USP34: variants seen among roughly 807,000 people sequenced by gnomAD.
USP34 encodes the protein ubiquitin specific peptidase 34.
A neutral mutation model predicts 460.3 loss-of-function variants in USP34; 70 were observed. The ratio of observed to expected loss-of-function variants is 0.15; its 90% CI spans 0.13 to 0.19. The LOEUF (loss-of-function observed/expected upper bound fraction) is 0.19, where lower values mean the gene tolerates loss of function less well. Among genes scored for constraint, USP34 ranks in the 10% least tolerant of loss-of-function variants. USP34 has a pLI of 1.00. For synonymous variants in USP34, 1,647 were observed against 1,405.3 expected, an observed-to-expected ratio of 1.17 and a Z score of -3.85; for missense variants, 3,985 against 4,236.2, an observed-to-expected ratio of 0.94 and a Z score of 1.65.
chr2:61,358,582 T>G (rs1034763918), intron 10 of USP34, among the ~76,000 whole-genome samples: 6 of 152,148 alleles, frequency 3.9e-5, no homozygotes, highest in Non-Finnish European at 8.8e-5. Context: ...ATGCCCATAT[T>G]TACCACTGCT....
At chr2:61,278,357 A>G (rs1572895150) in intron 40 of USP34, 31 bp downstream of exon 40, 1 of 1,607,388 alleles carries the variant, frequency 6.2e-7, no homozygotes, top group Middle Eastern at 1.7e-4. Context: ...TTCCTCGACA[A>G]TATAAATGTC....
chr2:61,383,354 A>C lies in USP34; in HGVS notation c.754-18T>G. The C allele has an allele frequency of 6.5e-7, 1 of 1,545,556 alleles. No individual in the cohort carries two copies. The highest frequency in any genetic ancestry group is 1.4e-5 in the African/African-American group (1 of 72,806). ...ATTCTAATCTATATAAGAAACATAA[A>C]AACAACATTAATGCCTAATATGTGA... is the stretch of plus-strand genomic sequence containing the variant. On this transcript the variant is annotated intron_variant, in intron 5 of 79. Coordinates refer to ENST00000398571, the MANE Select transcript of USP34 (RefSeq NM_014709.4).
At chr2:61,443,815 AATG>A (rs1203312037) in intron 1 of USP34, among the ~76,000 whole-genome samples, 1 of 152,204 alleles carries the variant, frequency 6.6e-6, no homozygotes, top group Admixed American at 6.5e-5. Flanking sequence ...TTTGAGTCAT[AATG>A]ATATGTTAAC....
At chr2:61,356,775 T>C (rs1208074647) in intron 10 of USP34, among the ~76,000 whole-genome samples, 1 of 152,192 alleles carries the variant, frequency 6.6e-6, no homozygotes, top group Non-Finnish European at 1.5e-5. Flanking sequence ...GCAATATAAA[T>C]AAGTTCTAGA....
At chr2:61,378,080 G>C (rs1023011473) in intron 8 of USP34, among the ~76,000 whole-genome samples, 1 of 152,158 alleles carries the variant, frequency 6.6e-6, no homozygotes, top group Non-Finnish European at 1.5e-5. Context: ...GGCTGAGGTG[G>C]GAGGATCACC....
chr2:61,198,850 C>G lies in USP34; in HGVS notation c.9508+4290G>C, dbSNP rs148998444. ...CACCACTGCACTCCAGCCTGGGCGA[C>G]AGGGTGACACTCTGTCTCAAATTGT... On this transcript the variant is annotated intron_variant, in intron 75 of 79. Transcript: ENST00000398571. Among the ~76,000 whole-genome samples, 10 of 152,292 alleles carry G rather than the reference C, an allele frequency of 6.6e-5. 1 individual carries two copies. Among genetic ancestry groups the G allele is most frequent in the African/African-American group, 1.7e-4 (7 of 41,544 alleles).
At chr2:61,195,670 TCAAA>T (rs1211949630) in intron 75 of USP34, among the ~76,000 whole-genome samples, 2 of 152,028 alleles carry the variant, frequency 1.3e-5, no homozygotes, top group African/African-American at 2.4e-5. Context: ...AGACTCTGTC[TCAAA>T]CAAAACAAAA....
chr2:61,465,602 G>A (rs944649837), intron 1 of USP34, among the ~76,000 whole-genome samples: 1 of 152,170 alleles, frequency 6.6e-6, no homozygotes, highest in African/African-American at 2.4e-5. Flanking sequence ...CAGTACTTGG[G>A]GAGGCTGAGG....
At chr2:61,358,468 G>GA (rs946657203) in intron 10 of USP34, among the ~76,000 whole-genome samples, 49 of 151,378 alleles carry the variant, frequency 3.2e-4, no homozygotes, top group African/African-American at 9.2e-4. Flanking sequence ...AACTAAAAGA[G>GA]AAAAAAAATC....
chr2:61,301,577 A>T (rs1433249224), intron 27 of USP34, 123 bp from the exon 28 acceptor site: 1 of 856,282 alleles, frequency 1.2e-6, no homozygotes, highest in Non-Finnish European at 1.8e-6. Context: ...TCTAAGGTAA[A>T]GACAGAAAAC....
chr2:61,454,855 TG>T (rs201631123), intron 1 of USP34, among the ~76,000 whole-genome samples: 12,037 of 134,740 alleles, frequency 0.089, 641 homozygotes, highest in African/African-American at 0.14. Flanking sequence ...GCAAATATAG[TG>T]GGGTTTTTTT....
intron 48 of USP34, among the ~76,000 whole-genome samples, chr2:61,255,461 T>C (rs960452024): frequency 3.3e-4 from 50 of 152,226 alleles, no homozygotes; most frequent in Non-Finnish European, 8.8e-5. Context: ...AATTTGCTTA[T>C]TTGTATCTTA....
At chr2:61,379,946 C>T (rs1184763748) in intron 7 of USP34, among the ~76,000 whole-genome samples, 3 of 152,094 alleles carry the variant, frequency 2.0e-5, no homozygotes, top group African/African-American at 4.8e-5. Flanking sequence ...GAGTTGGACC[C>T]GGAAATCAAA....
At chr2:61,429,845 T>A (rs1418294349) in intron 1 of USP34, among the ~76,000 whole-genome samples, 1 of 149,408 alleles carries the variant, frequency 6.7e-6, no homozygotes, top group Admixed American at 6.7e-5. Flanking sequence ...GCAGATCACC[T>A]GAGGTCAGGA....
At chr2:61,340,679 G>A (rs1038301396) in intron 16 of USP34, among the ~76,000 whole-genome samples, 1 of 152,090 alleles carries the variant, frequency 6.6e-6, no homozygotes, top group Non-Finnish European at 1.5e-5. Context: ...AATGACTAAT[G>A]ATGAGAATCT....
At chr2:61,248,120 G>T (rs750244249) in intron 49 of USP34, among the ~76,000 whole-genome samples, 11 of 148,154 alleles carry the variant, frequency 7.4e-5, no homozygotes, top group Non-Finnish European at 1.5e-4. Context: ...CTGGGAGGTG[G>T]AGTGAGCCAA....
intron 10 of USP34, among the ~76,000 whole-genome samples, chr2:61,353,315 G>C (rs967262067): frequency 6.6e-6 from 1 of 150,532 alleles, no homozygotes; most frequent in Non-Finnish European, 1.5e-5. Flanking sequence ...TTTTTTTGCG[G>C]AACAAAACAA....
Position 61,454,866 on chromosome 2 carries a change from TTTTC to T in USP34, c.43+15780_43+15783del, listed in dbSNP as rs1186482877. Among the ~76,000 whole-genome samples, 198 of 112,670 alleles carry T rather than the reference TTTTC, an allele frequency of 1.8e-3. 1 individual carries two copies. The highest frequency in any genetic ancestry group is 3.0e-3 in the Non-Finnish European group (162 of 54,424). The allele number at this position is 112,670 out of a possible 152,430, so 73.9% of individuals were successfully genotyped here. On this transcript the variant is annotated intron_variant, in intron 1 of 79. Transcript: ENST00000398571. Reference sequence around the variant, plus strand: ...CCCAGCAAATATAGTGGGGTTTTTTTTTTCTTTTTTTTTTTTTTTGGTTGTTTAT... The same window carrying T: ...CCCAGCAAATATAGTGGGGTTTTTTTTTTTTTTTTTTTTTTGGTTGTTTAT...
chr2:61,343,738 G>A, intron 16 of USP34, 77 bp downstream of exon 16: 1 of 1,439,938 alleles, frequency 6.9e-7, no homozygotes, highest in Admixed American at 1.8e-5. Flanking sequence ...CTTAACTATT[G>A]AGTCCTTTCA....
Sources: gnomAD v4.1 joint callset for allele counts (sites outside exome capture counted in the v4.1 genomes callset) on GRCh38, gnomAD v4.1.1 for gene constraint, MANE v1.5 for transcripts, NCBI Gene and HGNC (gene_info 2026-07-23, HGNC 2026-07-21) for gene names.